Variants in FRMD4B observed in about 807,000 individuals in gnomAD.
The protein encoded by FRMD4B is FERM domain-containing protein 4B.
In FRMD4B, 74 loss-of-function variants were observed where a neutral mutation model predicts 141.5. The observed-to-expected ratio is 0.52, with a 90% confidence interval of 0.43 to 0.63. The LOEUF is 0.63. Ranked by LOEUF, FRMD4B falls within the 30% of genes least tolerant of loss-of-function variation. The pLI, the probability that FRMD4B is intolerant of heterozygous loss-of-function variation, is 0.00. For missense variants in FRMD4B, 1,366 were observed against 1,253.4 expected (o/e 1.09, Z -1.36); for synonymous variants, 506 against 467.9 (o/e 1.08, Z -1.05).
chr3:69,359,319 G>A (rs1044651261), intron 1 of FRMD4B, among the ~76,000 whole-genome samples: 1 of 152,142 alleles, frequency 6.6e-6, no homozygotes, highest in South Asian at 2.1e-4. Context: ...AGGTTAGTTG[G>A]TTTCAGGACC....
intron 7 of FRMD4B, among the ~76,000 whole-genome samples, chr3:69,248,531 C>T (rs774003386): frequency 2.6e-5 from 4 of 152,210 alleles, no homozygotes; most frequent in Non-Finnish European, 4.4e-5. Flanking sequence ...CTACGAGTAA[C>T]GTCTACCAGG....
At chr3:69,430,272 C>G (rs1048421322) in intron 2 of FRMD4B, among the ~76,000 whole-genome samples, 6 of 152,192 alleles carry the variant, frequency 3.9e-5, no homozygotes, top group African/African-American at 1.4e-4. Flanking sequence ...GCCACCTCCC[C>G]ACAATCCAGC....
intron 1 of FRMD4B, among the ~76,000 whole-genome samples, chr3:69,479,821 C>T (rs1477009578): frequency 6.6e-6 from 1 of 152,214 alleles, no homozygotes; most frequent in Non-Finnish European, 1.5e-5. Flanking sequence ...TGGTTCCATT[C>T]ACCCCGTTAC....
Position 69,479,323 on chromosome 3 carries a change from A to T in FRMD4B, c.-128-46562T>A, listed in dbSNP as rs1414102068. On this transcript the variant is annotated intron_variant, in intron 1 of 5. Transcript: ENST00000459638. ...GCCTCGATGGTCTTTACAATTTGGC[A>T]TGATTTTGCAGTGGCTGGTACCGGT... Among the ~76,000 whole-genome samples, 3 of 151,940 alleles carry T rather than the reference A, an allele frequency of 2.0e-5. No homozygotes were observed. The East Asian group carries it at 5.8e-4, about 29-fold the overall frequency.
At chr3:69,457,670 T>A (rs560382202) in intron 1 of FRMD4B, among the ~76,000 whole-genome samples, 47 of 85,004 alleles carry the variant, frequency 5.5e-4, no homozygotes, top group African/African-American at 7.0e-4. Context: ...TATTAAAAAA[T>A]TTTTTAAAGT....
intron 9 of FRMD4B, among the ~76,000 whole-genome samples, chr3:69,219,775 C>G (rs534584458): frequency 3.9e-5 from 6 of 152,240 alleles, no homozygotes; most frequent in Admixed American, 3.9e-4. Flanking sequence ...TCTCTCCCAC[C>G]CCAGCCCTCT....
chr3:69,325,640 T>C (rs955454852), intron 1 of FRMD4B, among the ~76,000 whole-genome samples: 16 of 152,250 alleles, frequency 1.1e-4, no homozygotes, highest in African/African-American at 3.8e-4. Context: ...TTTCTGCCCC[T>C]ATGAAATGGA....
intron 1 of FRMD4B, among the ~76,000 whole-genome samples, chr3:69,530,507 C>T (rs1700995537): frequency 6.6e-6 from 1 of 152,184 alleles, no homozygotes; most frequent in Non-Finnish European, 1.5e-5. Context: ...CCAGATGCAG[C>T]CCAATCTTGG....
chr3:69,317,252 C>T (rs1262352488), intron 1 of FRMD4B, among the ~76,000 whole-genome samples: 1 of 152,182 alleles, frequency 6.6e-6, no homozygotes, highest in Non-Finnish European at 1.5e-5. Flanking sequence ...CTAGGTTTTA[C>T]TTGGTCCTGC....
At chr3:69,244,274 A>G (rs538337461) in intron 7 of FRMD4B, among the ~76,000 whole-genome samples, 113 of 152,196 alleles carry the variant, frequency 7.4e-4, no homozygotes, top group Non-Finnish European at 1.4e-3. Flanking sequence ...TCAAAGGGAG[A>G]CAATGGAAGA....
Position 69,181,577 on chromosome 3 carries a change from T to A in FRMD4B, c.2173A>T (p.Ile725Phe). 6.2e-7 allele frequency: 1 copy of A among 1,613,888 alleles called. No individual in the cohort carries two copies. Among genetic ancestry groups the A allele is most frequent in the Non-Finnish European group, 8.5e-7 (1 of 1,179,828 alleles). Residue 725 changes from isoleucine to phenylalanine, a missense_variant, in exon 21 of 23, where the codon ATC becomes TTC. Transcript: ENST00000398540. ...SKSQRSSSTE[I>F]LDDGSSYTSQ... ...GTATAAGAAGACCCGTCATCGAGGA[T>A]TTCTGTGCTGCTGCTTCTTTGGGAT... is the stretch of plus-strand genomic sequence containing the variant.
intron 1 of FRMD4B, among the ~76,000 whole-genome samples, chr3:69,529,255 T>G (rs1435507292): frequency 1.3e-5 from 2 of 152,194 alleles, no homozygotes; most frequent in African/African-American, 4.8e-5. Context: ...GGATCCAGAT[T>G]GTTTTGTGGA....
At chr3:69,518,118 G>T (rs563674798) in intron 1 of FRMD4B, among the ~76,000 whole-genome samples, 1 of 152,190 alleles carries the variant, frequency 6.6e-6, no homozygotes, top group African/African-American at 2.4e-5. Context: ...CTAGCAAATA[G>T]GAGACTTTTG....
chr3:69,517,178 T>TA (rs1700773682), intron 1 of FRMD4B, among the ~76,000 whole-genome samples: 1 of 152,176 alleles, frequency 6.6e-6, no homozygotes, highest in South Asian at 2.1e-4. Context: ...TAAACATTTT[T>TA]AAAAAATCCA....
At chr3:69,536,994 T>G (rs560667185) in intron 1 of FRMD4B, among the ~76,000 whole-genome samples, 15 of 152,288 alleles carry the variant, frequency 9.8e-5, no homozygotes, top group South Asian at 6.2e-4. Context: ...GGAATCCTCC[T>G]GCCCTGGCCT....
At chr3:69,393,104 T>C (rs981848388) in intron 2 of FRMD4B, among the ~76,000 whole-genome samples, 9 of 152,090 alleles carry the variant, frequency 5.9e-5, no homozygotes, top group Non-Finnish European at 2.9e-5. Context: ...CTTTTTGGCA[T>C]CACAAAGGGC....
chr3:69,196,371 A>G lies in FRMD4B; in HGVS notation c.1118T>C (p.Leu373Ser). The change falls in exon 14 of 23, where the codon TTA (leucine) becomes TCA (serine). Residue 373 changes from leucine (L) to serine (S), a missense_variant. Coordinates refer to ENST00000398540, the MANE Select transcript of FRMD4B (RefSeq NM_015123.3). Reference protein sequence around the residue: ...SKAKIPSARSLDEIAMDLTET... With the variant: ...SKAKIPSARSSDEIAMDLTET... ...TGTCAAATCCATTGCAATCTCATCT[A>G]AACTCCTGGCTGAAGGAATTTTTGC... 12 of 1,611,382 alleles carry G rather than the reference A, an allele frequency of 7.4e-6. No individual in the cohort carries two copies. Among genetic ancestry groups the G allele is most frequent in the African/African-American group, 1.3e-5 (1 of 74,964 alleles).
At chr3:69,490,027 G>A (rs1417331365) in intron 1 of FRMD4B, among the ~76,000 whole-genome samples, 1 of 152,182 alleles carries the variant, frequency 6.6e-6, no homozygotes, top group Non-Finnish European at 1.5e-5. Context: ...GGCAATCCAG[G>A]GAGATAGAAC....
chr3:69,169,463 T>C lies in FRMD4B; in HGVS notation c.*2398A>G, dbSNP rs1362212072. ...ACCTCCGCCTCCTGGGCTCAAGATA[T>C]CCTCCCAACTCAGCCTCCCAAGTAG... On this transcript the variant is annotated 3_prime_UTR_variant, in exon 23 of 23. Transcript: ENST00000398540. Among the ~76,000 whole-genome samples, 2 of 149,074 alleles carry C rather than the reference T, an allele frequency of 1.3e-5. No individual in the cohort carries two copies. Among genetic ancestry groups the C allele is most frequent in the Non-Finnish European group, 3.0e-5 (2 of 67,438 alleles).
Sources: gnomAD v4.1 joint callset for allele counts (sites outside exome capture counted in the v4.1 genomes callset) on GRCh38, gnomAD v4.1.1 for gene constraint, MANE v1.5 for transcripts, NCBI Gene and HGNC (gene_info 2026-07-23, HGNC 2026-07-21) for gene names.